SEMA3D: variants seen among roughly 807,000 people sequenced by gnomAD.
SEMA3D encodes semaphorin 3D, also known as semaphorin-3D.
SEMA3D carries 84 observed loss-of-function variants against 100.1 expected under a neutral mutation model. That is an observed-to-expected ratio of 0.84 (90% CI 0.70 to 1.01). SEMA3D has a LOEUF of 1.01. Ranked by LOEUF, SEMA3D falls within the 50% of genes least tolerant of loss-of-function variation. The pLI is 0.00. For synonymous variants in SEMA3D, 312 were observed against 320.7 expected, an observed-to-expected ratio of 0.97 and a Z score of 0.29; for missense variants, 875 against 934.1, an observed-to-expected ratio of 0.94 and a Z score of 0.82.
At chr7:85,089,114 C>A (rs1788305016) in intron 4 of SEMA3D, among the ~76,000 whole-genome samples, 1 of 152,120 alleles carries the variant, frequency 6.6e-6, no homozygotes, top group Admixed American at 6.5e-5. Context: ...TGGTTTGTGA[C>A]CTTAGGTAGG....
At chr7:85,072,118 C>T (rs1261400692) in intron 6 of SEMA3D, among the ~76,000 whole-genome samples, 2 of 152,108 alleles carry the variant, frequency 1.3e-5, no homozygotes, top group African/African-American at 2.4e-5. Context: ...AAGCAATAAT[C>T]CATGTGAAGT....
At chr7:85,224,603 A>T in the SEMA3D span, among the ~76,000 whole-genome samples, 2 of 152,348 alleles carry the variant, frequency 1.3e-5, no homozygotes, top group African/African-American at 4.8e-5. Flanking sequence ...TTTATCAACT[A>T]GTTCAGCATT....
At chr7:85,164,969 A>G (rs1790855904) in intron 1 of SEMA3D, among the ~76,000 whole-genome samples, 1 of 146,810 alleles carries the variant, frequency 6.8e-6, no homozygotes, top group East Asian at 2.2e-4. Flanking sequence ...AGCGTTAGGT[A>G]TATCTCCTAA....
chr7:85,240,180 C>T, the SEMA3D span, among the ~76,000 whole-genome samples: 4 of 151,744 alleles, frequency 2.6e-5, no homozygotes, highest in African/African-American at 9.7e-5. Flanking sequence ...TGTGAAAGTC[C>T]CCTTCTATTC....
At chr7:85,032,363 A>G (rs1452608740) in intron 12 of SEMA3D, among the ~76,000 whole-genome samples, 1 of 152,106 alleles carries the variant, frequency 6.6e-6, no homozygotes, top group Admixed American at 6.6e-5. Flanking sequence ...GCACACTAAT[A>G]GCATTGAGTG....
intron 1 of SEMA3D, among the ~76,000 whole-genome samples, chr7:85,157,113 T>C (rs532449189): frequency 1.2e-4 from 18 of 152,140 alleles, no homozygotes; most frequent in Non-Finnish European, 2.4e-4. Flanking sequence ...ACAGCCTACC[T>C]TTTTAGTCTG....
chr7:85,034,726 A>G (rs1018389220), intron 12 of SEMA3D, among the ~76,000 whole-genome samples: 1 of 152,170 alleles, frequency 6.6e-6, no homozygotes, highest in Non-Finnish European at 1.5e-5. Flanking sequence ...ATTCATCACT[A>G]ATCAACAGAG....
At chr7:85,216,473 A>G in the SEMA3D span, among the ~76,000 whole-genome samples, 1 of 151,928 alleles carries the variant, frequency 6.6e-6, no homozygotes. Flanking sequence ...AAAAGCATGT[A>G]TACAATTGTT....
chr7:85,238,125 G>C, the SEMA3D span, among the ~76,000 whole-genome samples: 1 of 152,076 alleles, frequency 6.6e-6, no homozygotes, highest in African/African-American at 2.4e-5. Flanking sequence ...TTTTCTTATT[G>C]TTGAATTTTA....
intron 6 of SEMA3D, among the ~76,000 whole-genome samples, chr7:85,069,929 T>A (rs1002506186): frequency 1.7e-4 from 26 of 152,200 alleles, no homozygotes; most frequent in Non-Finnish European, 3.2e-4. Flanking sequence ...CCTCTTTACC[T>A]TTCTGTGTTT....
chr7:85,007,216 AT>A (rs1562780267), intron 17 of SEMA3D, among the ~76,000 whole-genome samples: 1 of 151,840 alleles, frequency 6.6e-6, no homozygotes, highest in Non-Finnish European at 1.5e-5. Context: ...ATCAAACTCT[AT>A]ATATTGAGAT....
Position 85,157,697 on chromosome 7 carries a change from G to C in SEMA3D, c.-172-3958C>G, listed in dbSNP as rs371540913. On this transcript the variant is annotated intron_variant, in intron 1 of 18. Coordinates refer to ENST00000284136, the MANE Select transcript of SEMA3D (RefSeq NM_001384900.1). Reference sequence around the variant, plus strand: ...AAGCAAAACAAAACAAGCCAACAAAGGCTCTGCTGGGCAGAGGTGTAGCTC... The same window carrying C: ...AAGCAAAACAAAACAAGCCAACAAACGCTCTGCTGGGCAGAGGTGTAGCTC... 15 of 951,802 alleles carry C rather than the reference G, an allele frequency of 1.6e-5. No individual in the cohort carries two copies. In the East Asian group the frequency reaches 3.5e-4, roughly 22 times the overall value. 59.0% of individuals were successfully genotyped at this position (951,802 alleles called of 1,614,324 possible).
intron 17 of SEMA3D, among the ~76,000 whole-genome samples, chr7:85,010,739 C>T (rs1317489641): frequency 2.0e-5 from 3 of 151,728 alleles, no homozygotes; most frequent in African/African-American, 2.4e-5. Flanking sequence ...GTTTGAAATG[C>T]TAATTAGGCT....
chr7:85,017,549 A>G (rs554497720), intron 15 of SEMA3D, among the ~76,000 whole-genome samples: 2 of 151,886 alleles, frequency 1.3e-5, no homozygotes, highest in African/African-American at 4.8e-5. Flanking sequence ...TTTTAGCAAC[A>G]CCTTGATGTT....
chr7:85,096,630 T>C (rs564978446), intron 4 of SEMA3D, among the ~76,000 whole-genome samples: 1 of 152,002 alleles, frequency 6.6e-6, no homozygotes, highest in African/African-American at 2.4e-5. Flanking sequence ...GCCTTAAAAA[T>C]GTGTGAAAGA....
At chr7:85,162,416 C>A (rs1458661377) in intron 1 of SEMA3D, among the ~76,000 whole-genome samples, 2 of 152,060 alleles carry the variant, frequency 1.3e-5, no homozygotes, top group East Asian at 3.9e-4. Flanking sequence ...ATGAAAGAAG[C>A]AGGTGACGTA....
chr7:85,025,755 C>A (rs527891987), intron 12 of SEMA3D, among the ~76,000 whole-genome samples: 3 of 152,086 alleles, frequency 2.0e-5, no homozygotes, highest in African/African-American at 7.2e-5. Context: ...CCGTCTTATA[C>A]CCCTGCTTAT....
At chr7:85,003,800 T>C (rs1169035244) in intron 18 of SEMA3D, among the ~76,000 whole-genome samples, 1 of 152,112 alleles carries the variant, frequency 6.6e-6, no homozygotes, top group Admixed American at 6.6e-5. Context: ...TAGATATTAA[T>C]GCAATACATT....
chr7:85,162,839 G>A (rs183423250), intron 1 of SEMA3D, among the ~76,000 whole-genome samples: 21 of 152,262 alleles, frequency 1.4e-4, no homozygotes, highest in Middle Eastern at 3.4e-3. Flanking sequence ...CAGTAGCTGA[G>A]AGGAAATACA....
Sources: gnomAD v4.1 joint callset for allele counts (sites outside exome capture counted in the v4.1 genomes callset) on GRCh38, gnomAD v4.1.1 for gene constraint, MANE v1.5 for transcripts, NCBI Gene and HGNC (gene_info 2026-07-23, HGNC 2026-07-21) for gene names.